Variants in LRFN5 observed in about 807,000 individuals in gnomAD.
LRFN5 encodes leucine-rich repeat and fibronectin type-III domain-containing protein 5.
A neutral mutation model predicts 45.6 loss-of-function variants in LRFN5; 24 were observed. The observed-to-expected ratio is 0.53, with a 90% CI of 0.38 to 0.74. The LOEUF (loss-of-function observed/expected upper bound fraction) is 0.74, where lower values mean the gene tolerates loss of function less well. LRFN5 is among the 30% of genes least tolerant of loss of function. The probability of loss-of-function intolerance (pLI) is 0.00; values close to 1 mark genes in which losing one functional copy is unlikely to be tolerated. For missense variants in LRFN5, 776 were observed against 861.5 expected, an observed-to-expected ratio of 0.90 and a Z score of 1.24; for synonymous variants, 340 against 313.8, an observed-to-expected ratio of 1.08 and a Z score of -0.88.
chr14:41,806,150 A>G (rs1445469729), intron 2 of LRFN5, among the ~76,000 whole-genome samples: 2 of 152,206 alleles, frequency 1.3e-5, no homozygotes, highest in East Asian at 3.9e-4. Flanking sequence ...GGTCAGGATT[A>G]GACGTTCAGG....
At chr14:41,802,986 G>A (rs946899006) in intron 2 of LRFN5, among the ~76,000 whole-genome samples, 4 of 152,054 alleles carry the variant, frequency 2.6e-5, no homozygotes, top group African/African-American at 9.7e-5. Context: ...AAATTTAAGA[G>A]TCTCTTGTGT....
chr14:41,612,435 T>C (rs1382517816), intron 1 of LRFN5, among the ~76,000 whole-genome samples: 1 of 152,172 alleles, frequency 6.6e-6, no homozygotes, highest in Non-Finnish European at 1.5e-5. Flanking sequence ...ATTGGCGTTA[T>C]CTTCAGGGTT....
rs1045831857 is a variant in LRFN5 at position 41,734,601 on chromosome 14, T to G, written c.-196-32253T>G. Among the ~76,000 whole-genome samples the G allele has an allele frequency of 7.9e-5, 12 of 151,356 alleles. No homozygotes were observed. In the Admixed American group the frequency reaches 7.9e-4, roughly 10 times the overall value. On this transcript the variant is annotated intron_variant, in intron 1 of 5. Transcript: ENST00000298119. ...GCAGTATACAATGGAGTCTTGTCTTTTTTTTTAATCCACTCAGCCTCTTTA... is the reference window on the plus strand; with the variant it reads ...GCAGTATACAATGGAGTCTTGTCTTGTTTTTTAATCCACTCAGCCTCTTTA...
chr14:41,753,933 G>T (rs937984453), intron 1 of LRFN5, among the ~76,000 whole-genome samples: 1 of 152,052 alleles, frequency 6.6e-6, no homozygotes, highest in East Asian at 1.9e-4. Context: ...TTTGAGATAC[G>T]TCCCATCAAT....
At chr14:41,641,838 A>C (rs1301672425) in intron 1 of LRFN5, among the ~76,000 whole-genome samples, 16 of 152,134 alleles carry the variant, frequency 1.1e-4, no homozygotes, top group African/African-American at 3.4e-4. Flanking sequence ...AAATCAACTG[A>C]TGTTCCTTTG....
At chr14:41,865,724 A>G (rs1889817788) in intron 2 of LRFN5, among the ~76,000 whole-genome samples, 1 of 152,196 alleles carries the variant, frequency 6.6e-6, no homozygotes, top group African/African-American at 2.4e-5. Context: ...ATGTTCACCA[A>G]CACTTGCTTT....
At chr14:41,844,183 A>C (rs998936317) in intron 2 of LRFN5, among the ~76,000 whole-genome samples, 10 of 152,184 alleles carry the variant, frequency 6.6e-5, no homozygotes, top group African/African-American at 2.4e-4. Flanking sequence ...CACGCCTGTA[A>C]TCCTAACACT....
At chr14:41,897,885 C>T (rs1032800840) in intron 4 of LRFN5, among the ~76,000 whole-genome samples, 1 of 152,020 alleles carries the variant, frequency 6.6e-6, no homozygotes, top group Non-Finnish European at 1.5e-5. Flanking sequence ...TATAACCTTA[C>T]CTGACACATA....
chr14:41,692,447 G>C (rs1365957012), intron 1 of LRFN5, among the ~76,000 whole-genome samples: 1 of 151,616 alleles, frequency 6.6e-6, no homozygotes, highest in African/African-American at 2.4e-5. Flanking sequence ...TAAGTTCTAG[G>C]GTACATGTGC....
intron 1 of LRFN5, among the ~76,000 whole-genome samples, chr14:41,712,435 AC>A (rs934344260): frequency 4.6e-5 from 7 of 152,014 alleles, no homozygotes; most frequent in Admixed American, 3.9e-4. Context: ...AAAAGGTAAA[AC>A]GTTCTGAATT....
At chr14:41,837,749 G>A (rs1397560384) in intron 2 of LRFN5, among the ~76,000 whole-genome samples, 2 of 152,044 alleles carry the variant, frequency 1.3e-5, no homozygotes, top group Non-Finnish European at 2.9e-5. Context: ...GAATTATTCT[G>A]TTTAAAGAGC....
At chr14:41,881,370 T>C (rs1325474291) in intron 2 of LRFN5, among the ~76,000 whole-genome samples, 1 of 151,902 alleles carries the variant, frequency 6.6e-6, no homozygotes, top group Non-Finnish European at 1.5e-5. Flanking sequence ...TTTCATTTTC[T>C]TTTGACCTTA....
intron 2 of LRFN5, among the ~76,000 whole-genome samples, chr14:41,884,084 A>G (rs1310093292): frequency 6.6e-6 from 1 of 152,050 alleles, no homozygotes; most frequent in Non-Finnish European, 1.5e-5. Flanking sequence ...CTGCCCCACA[A>G]ATTCAAGCCA....
At chr14:41,677,042 A>G (rs1021821025) in intron 1 of LRFN5, among the ~76,000 whole-genome samples, 1 of 152,218 alleles carries the variant, frequency 6.6e-6, no homozygotes, top group East Asian at 1.9e-4. Flanking sequence ...GTAATTAAAC[A>G]TAAGTTTTGA....
intron 1 of LRFN5, among the ~76,000 whole-genome samples, chr14:41,613,436 AAAAT>A (rs1435779441): frequency 6.6e-6 from 1 of 152,066 alleles, no homozygotes; most frequent in Non-Finnish European, 1.5e-5. Context: ...ATAAAATAAG[AAAAT>A]ATATCTTTTT....
At chr14:41,752,270 G>T (rs994782609) in intron 1 of LRFN5, among the ~76,000 whole-genome samples, 2 of 152,102 alleles carry the variant, frequency 1.3e-5, no homozygotes, top group African/African-American at 4.8e-5. Flanking sequence ...AATCCTTTGA[G>T]TATATATCCA....
At chr14:41,876,931 G>A (rs1890207609) in intron 2 of LRFN5, among the ~76,000 whole-genome samples, 1 of 152,092 alleles carries the variant, frequency 6.6e-6, no homozygotes, top group Non-Finnish European at 1.5e-5. Flanking sequence ...TAATTGTAAA[G>A]AGAGACAAAG....
chr14:41,853,825 T>C (rs1319739502), intron 2 of LRFN5, among the ~76,000 whole-genome samples: 1 of 152,156 alleles, frequency 6.6e-6, no homozygotes. Context: ...AATGTTTAGA[T>C]ACCAGCTAGA....
At chr14:41,899,965 G>A (rs1200987280) in intron 5 of LRFN5, among the ~76,000 whole-genome samples, 3 of 151,932 alleles carry the variant, frequency 2.0e-5, no homozygotes, top group African/African-American at 7.2e-5. Flanking sequence ...CCTGCATGAA[G>A]GTGTCTTGTT....
Sources: allele counts gnomAD v4.1 joint callset (sites outside exome capture counted in the v4.1 genomes callset), GRCh38; gene constraint gnomAD v4.1.1; transcripts MANE v1.5; gene names NCBI Gene and HGNC (gene_info 2026-07-23, HGNC 2026-07-21).